The following INTS3 variants were observed in gnomAD, a reference collection of about 807,000 sequenced individuals.
The protein encoded by INTS3 is SOSS complex subunit A.
INTS3 carries 34 observed loss-of-function variants against 146.3 expected under a neutral mutation model. The observed-to-expected ratio is 0.23, with a 90% CI of 0.18 to 0.31. The LOEUF is 0.31. INTS3 is among the 10% of genes least tolerant of loss of function. The pLI, the probability that INTS3 is intolerant of heterozygous loss-of-function variation, is 1.00. For missense variants in INTS3, 757 were observed against 1,304.2 expected (o/e 0.58, Z 6.46); for synonymous variants, 475 against 494.9 (o/e 0.96, Z 0.53).
chr1:153,743,780 A>G (rs1348458063), intron 3 of INTS3, among the ~76,000 whole-genome samples: 1 of 152,150 alleles, frequency 6.6e-6, no homozygotes, highest in African/African-American at 2.4e-5. Context: ...CTGGCAGTCA[A>G]TAGATAAAGG....
Position 153,760,302 on chromosome 1 carries a change from ATCC to A in INTS3, c.1238-5_1238-3del. 6.2e-7 allele frequency: 1 copy of A among 1,603,660 alleles called. No individual in the cohort carries two copies. The highest frequency in any genetic ancestry group is 1.7e-5 in the Admixed American group (1 of 59,772). ...GATGTGAGGGGCTCTTTAATTTCACATCCTCCAGAACCAGCCATCCTGGTCATG... is the reference window on the plus strand; with the variant it reads ...GATGTGAGGGGCTCTTTAATTTCACATCCAGAACCAGCCATCCTGGTCATG... On this transcript the variant is annotated splice_region_variant and splice_polypyrimidine_tract_variant and intron_variant, in intron 11 of 29. Coordinates refer to ENST00000318967, the MANE Select transcript of INTS3 (RefSeq NM_023015.5).
chr1:153,760,148 C>T (rs941918902), intron 11 of INTS3, 163 bp from the exon 12 acceptor site: 2 of 598,690 alleles, frequency 3.3e-6, no homozygotes, highest in Non-Finnish European at 5.8e-6. Flanking sequence ...ATGAGATTCG[C>T]TTGAACCTGG....
intron 1 of INTS3, among the ~76,000 whole-genome samples, chr1:153,737,312 A>T (rs565492048): frequency 6.6e-6 from 1 of 152,336 alleles, no homozygotes; most frequent in South Asian, 2.1e-4. Flanking sequence ...TTAGGTGGTG[A>T]TAATGGAGAG....
At chr1:153,742,511 T>C (rs965216619) in intron 3 of INTS3, among the ~76,000 whole-genome samples, 2 of 149,914 alleles carry the variant, frequency 1.3e-5, no homozygotes, top group South Asian at 2.1e-4. Context: ...TGTGTGTGCG[T>C]GCGCATCATT....
chr1:153,739,572 G>A (rs1671439320), intron 1 of INTS3, among the ~76,000 whole-genome samples: 2 of 151,868 alleles, frequency 1.3e-5, no homozygotes, highest in South Asian at 4.2e-4. Context: ...CACCTCTGGT[G>A]ATCCAACCCC....
rs1672163890 is a variant in INTS3, at chr1:153,756,414, A to G, written c.958-1158A>G. ...CCTGGTGCAGTGGCATGTGCCTGTA[A>G]TCCCAGCTTCTCAGGAGGCTGTGGT... On this transcript the variant is annotated intron_variant, in intron 9 of 29. Transcript: ENST00000318967. Among the ~76,000 whole-genome samples the G allele has an allele frequency of 2.6e-5, 4 of 151,730 alleles. No individual in the cohort carries two copies. In the South Asian group the frequency reaches 8.3e-4, roughly 32 times the overall value.
chr1:153,771,139 G>T (rs1278914366), intron 25 of INTS3, among the ~76,000 whole-genome samples: 1 of 152,128 alleles, frequency 6.6e-6, no homozygotes, highest in African/African-American at 2.4e-5. Context: ...CCCTCACCCT[G>T]TGCAGAGCAG....
At chr1:153,749,889 G>A (rs1156268852) in intron 6 of INTS3, among the ~76,000 whole-genome samples, 3 of 152,124 alleles carry the variant, frequency 2.0e-5, no homozygotes, top group African/African-American at 7.2e-5. Flanking sequence ...TGAATTTCCT[G>A]TACAGGCATC....
At position 153,772,967 on chromosome 1, in the gene INTS3, T is replaced by C; in HGVS notation, c.2937T>C (p.Ser979=). The C allele has an allele frequency of 1.9e-6, 3 of 1,614,162 alleles. No individual in the cohort carries two copies. Among genetic ancestry groups the C allele is most frequent in the Non-Finnish European group, 2.5e-6 (3 of 1,180,030 alleles). ...CCCTGGCGGAGGAATATGAGGACTC[T>C]TCCACCAAGCCACCCAAGAGCCGGC... ...LFSLAEEYED[S]STKPPKSRRK... The change falls in exon 29 of 30, where the codon TCT becomes TCC. Residue 979 remains serine (S), a synonymous_variant. Transcript: ENST00000318967. The surrounding 1 kb of genome is among the most constrained non-coding windows in gnomAD (Gnocchi z 4.6).
rs533474093 is a variant in INTS3, at chr1:153,773,145, C to T, written c.3052-48C>T. ...TGGGTGCAGGTGGAGTCGGCGCCAG[C>T]AGCTGCCCAGGCTGTTAACTTCCCA... On this transcript the variant is annotated intron_variant, in intron 29 of 29. Transcript: ENST00000318967. 251 of 1,613,364 alleles carry T rather than the reference C, an allele frequency of 1.6e-4. 6 individuals are homozygous for T. In the South Asian group the frequency reaches 2.5e-3, roughly 16 times the overall value.
intron 1 of INTS3, among the ~76,000 whole-genome samples, chr1:153,733,742 C>T (rs1671179562): frequency 1.3e-5 from 2 of 151,676 alleles, no homozygotes; most frequent in South Asian, 2.1e-4. Context: ...GTAGCTGGGA[C>T]TACAAGTGTG....
chr1:153,760,946 T>G lies in INTS3; in HGVS notation c.1409+28T>G, dbSNP rs747528733. ...AAGGAATTTGGTGGGGGAAGGAGGT[T>G]GTTTTCCCATTTTTCATTAGGTCCA... is the stretch of plus-strand genomic sequence containing the variant. On this transcript the variant is annotated intron_variant, in intron 13 of 29. Coordinates refer to ENST00000318967, the MANE Select transcript of INTS3 (RefSeq NM_023015.5). 4.7e-5 allele frequency: 76 copies of G among 1,601,812 alleles called. No individual in the cohort carries two copies. In the South Asian group the frequency reaches 5.1e-4, roughly 11 times the overall value.
At chr1:153,768,853 G>C in intron 21 of INTS3, 40 bp from the exon 22 acceptor site, 1 of 1,512,044 alleles carries the variant, frequency 6.6e-7, no homozygotes, top group Non-Finnish European at 9.2e-7. Context: ...AAAAGCTGAG[G>C]AGCCCATCCA....
rs765044073 is a variant in INTS3 at position 153,764,131 on chromosome 1, C to T, written c.1835C>T (p.Ser612Leu). The T allele has an allele frequency of 5.6e-6, 9 of 1,613,660 alleles. No individual in the cohort carries two copies. Among genetic ancestry groups the T allele is most frequent in the Admixed American group, 3.3e-5 (2 of 59,988 alleles). Residue 612 changes from serine (S) to leucine (L), a missense_variant, in exon 18 of 30, where the codon TCG becomes TTG. Ser to Leu is a moderately radical substitution (Grantham distance 145). This residue lies in a region of INTS3 where 89 missense variants were observed against 210.9 expected (regional missense o/e 0.42). Transcript: ENST00000318967. ...CTCATCACCCAGGAAGACTTTGACT[C>T]GGAGCAGCTGTCTGTCCTTGCTTCC... is the stretch of plus-strand genomic sequence containing the variant. Reference protein sequence around the residue: ...VDQVLEEDFDSEQLSVLASCL... With the variant: ...VDQVLEEDFDLEQLSVLASCL...
At chr1:153,731,645 G>T (rs1465385927) in intron 1 of INTS3, among the ~76,000 whole-genome samples, 1 of 147,542 alleles carries the variant, frequency 6.8e-6, no homozygotes, top group Non-Finnish European at 1.5e-5. Flanking sequence ...TGGTGCAGTG[G>T]TGGGATCTTG....
At chr1:153,752,464 C>T (rs1227535159) in intron 8 of INTS3, 56 bp downstream of exon 8, 8 of 1,550,302 alleles carry the variant, frequency 5.2e-6, no homozygotes, top group African/African-American at 1.4e-5. Context: ...ATGTGTATGT[C>T]TTGCTTGAAT....
intron 12 of INTS3, 60 bp from the exon 13 acceptor site, chr1:153,760,767 T>G (rs1216215118): frequency 1.4e-5 from 19 of 1,331,540 alleles, no homozygotes; most frequent in Non-Finnish European, 1.6e-5. Flanking sequence ...CAGATCTAAT[T>G]CAGCGGAAGC....
chr1:153,762,150 A>G (rs1051632145), intron 14 of INTS3, among the ~76,000 whole-genome samples: 3 of 152,184 alleles, frequency 2.0e-5, no homozygotes, highest in Non-Finnish European at 4.4e-5. Context: ...TTGGTTTTAA[A>G]TTAAAGAGCA....
chr1:153,748,590 G>A, intron 5 of INTS3, 99 bp from the exon 6 acceptor site: 1 of 927,148 alleles, frequency 1.1e-6, no homozygotes, highest in African/African-American at 1.6e-5. Context: ...GCAGTAATGG[G>A]ATGGCAGTCA....
Sources: gnomAD v4.1 joint callset for allele counts (sites outside exome capture counted in the v4.1 genomes callset) on GRCh38, gnomAD v4.1.1 for gene constraint, gnomAD v4.1.1 regional missense constraint, Gnocchi (gnomAD v3.1) non-coding constraint, MANE v1.5 for transcripts, NCBI Gene and HGNC (gene_info 2026-07-23, HGNC 2026-07-21) for gene names.